The following TGFA variants were observed in gnomAD, a reference collection of about 807,000 sequenced individuals.
The protein encoded by TGFA is protransforming growth factor alpha.
TGFA carries 12 observed loss-of-function variants against 21.7 expected under a neutral mutation model. The ratio of observed to expected loss-of-function variants is 0.55; its 90% confidence interval spans 0.35 to 0.90. TGFA has a LOEUF of 0.90. Ranked by LOEUF, TGFA falls within the 40% of genes least tolerant of loss-of-function variation. TGFA has a pLI of 0.01. For synonymous variants in TGFA, 79 were observed against 88.1 expected (o/e 0.90, Z 0.58); for missense variants, 178 against 210.8 (o/e 0.84, Z 0.96).
chr2:70,471,902 G>A (rs1426863732), intron 2 of TGFA, among the ~76,000 whole-genome samples: 4 of 152,096 alleles, frequency 2.6e-5, no homozygotes, highest in African/African-American at 9.7e-5. Flanking sequence ...ATAAAAATGA[G>A]CATTACAAGG....
chr2:70,469,896 T>G (rs1390190105), intron 2 of TGFA, among the ~76,000 whole-genome samples: 2 of 152,162 alleles, frequency 1.3e-5, no homozygotes, highest in Non-Finnish European at 2.9e-5. Flanking sequence ...TAAAACTGAT[T>G]GGTGAAGGGT....
At chr2:70,506,090 G>A (rs1488515043) in intron 2 of TGFA, among the ~76,000 whole-genome samples, 1 of 152,194 alleles carries the variant, frequency 6.6e-6, no homozygotes, top group African/African-American at 2.4e-5. Context: ...AAACAGAGCT[G>A]ATGTTTCACC....
In TGFA at chr2:70,448,203, T is replaced by C. The variant is rs1669945053; in HGVS notation, c.*2656A>G. ...AGATCAGGGTTGGCTGCTGTCTATC[T>C]TTCCATGTAGAAGAAAACATTTCCT... is the stretch of plus-strand genomic sequence containing the variant. On this transcript the variant is annotated 3_prime_UTR_variant, in exon 6 of 6. Transcript: ENST00000295400. The C allele has an allele frequency of 6.6e-6, 1 of 152,206 alleles. No homozygotes were observed. Among genetic ancestry groups the C allele is most frequent in the South Asian group, 2.1e-4 (1 of 4,824 alleles). The allele number at this position is 152,206 out of a possible 1,614,324, so 9.4% of individuals were successfully genotyped here. A position where few individuals can be genotyped will look rare whatever the true frequency, so the allele number is the denominator to read the frequency against.
intron 1 of TGFA, among the ~76,000 whole-genome samples, chr2:70,548,115 A>T (rs1400232979): frequency 6.6e-6 from 1 of 152,224 alleles, no homozygotes; most frequent in Non-Finnish European, 1.5e-5. Context: ...TAGTGATGCA[A>T]GACTTTATAT....
At chr2:70,518,472 C>T (rs1405745627) in intron 1 of TGFA, among the ~76,000 whole-genome samples, 1 of 152,278 alleles carries the variant, frequency 6.6e-6, no homozygotes, top group Non-Finnish European at 1.5e-5. Flanking sequence ...ATGTTCCCAA[C>T]AGAAACAAGG....
chr2:70,553,386 C>T (rs1356098444), intron 1 of TGFA: 1 of 1,454,172 alleles, frequency 6.9e-7, no homozygotes, highest in Admixed American at 2.8e-5. Flanking sequence ...GGCTTGGAGG[C>T]AGCCAGGTAA....
chr2:70,486,383 T>C (rs1485756216), intron 2 of TGFA, among the ~76,000 whole-genome samples: 1 of 152,208 alleles, frequency 6.6e-6, no homozygotes, highest in Non-Finnish European at 1.5e-5. Flanking sequence ...ACCAAAGCTG[T>C]CTCTCAAAAA....
Position 70,525,379 on chromosome 2 carries a change from C to CTG in TGFA, c.41-10469_41-10468dup, listed in dbSNP as rs149975597. Among the ~76,000 whole-genome samples the CTG allele has an allele frequency of 1.1e-3, 161 of 152,316 alleles. 5 individuals are homozygous for CTG. The East Asian group carries it at 0.029, about 28-fold the overall frequency. On this transcript the variant is annotated intron_variant, in intron 1 of 5. Transcript: ENST00000295400. ...AATGCTGCCCCATTGCTAATCCCCA[C>CTG]TGTCCACCTTGGGGGCTGGCCACAG...
chr2:70,482,375 C>A (rs1671151622), intron 2 of TGFA, among the ~76,000 whole-genome samples: 1 of 152,156 alleles, frequency 6.6e-6, no homozygotes, highest in African/African-American at 2.4e-5. Context: ...GAAGGGAAAT[C>A]CAAAAACAGG....
At chr2:70,479,629 G>A (rs782348238) in intron 2 of TGFA, among the ~76,000 whole-genome samples, 5 of 151,620 alleles carry the variant, frequency 3.3e-5, no homozygotes, top group Admixed American at 6.6e-5. Context: ...GGATCACCGG[G>A]TCCTTTTTTC....
chr2:70,520,821 C>T (rs1672426825), intron 1 of TGFA, among the ~76,000 whole-genome samples: 1 of 152,118 alleles, frequency 6.6e-6, no homozygotes, highest in Non-Finnish European at 1.5e-5. Context: ...CCACCACTCT[C>T]CACAAGGCCT....
At chr2:70,530,199 C>A (rs1339026613) in intron 1 of TGFA, among the ~76,000 whole-genome samples, 2 of 152,228 alleles carry the variant, frequency 1.3e-5, no homozygotes, top group Non-Finnish European at 2.9e-5. Flanking sequence ...CATTAGCAGG[C>A]TCAACTCCTG....
intron 1 of TGFA, among the ~76,000 whole-genome samples, chr2:70,543,216 T>A (rs1673186477): frequency 6.6e-6 from 1 of 152,094 alleles, no homozygotes; most frequent in South Asian, 2.1e-4. Context: ...ATACTTACTT[T>A]ATTTCACATT....
At chr2:70,512,279 A>C (rs1672127037) in intron 2 of TGFA, among the ~76,000 whole-genome samples, 1 of 152,064 alleles carries the variant, frequency 6.6e-6, no homozygotes, top group African/African-American at 2.4e-5. Context: ...AATTTCATTA[A>C]ATCTCTAAGG....
At position 70,448,020 on chromosome 2, in the gene TGFA, C is replaced by CCTTACCAGTGTGG. The variant is rs1464447015; in HGVS notation, c.*2826_*2838dup. 2.0e-5 allele frequency: 3 copies of CCTTACCAGTGTGG among 152,244 alleles called. No individual in the cohort carries two copies. The highest frequency in any genetic ancestry group is 4.8e-5 in the African/African-American group (2 of 41,452). The allele number at this position is 152,244 out of a possible 1,614,324, so 9.4% of individuals were successfully genotyped here. On this transcript the variant is annotated 3_prime_UTR_variant, in exon 6 of 6. Transcript: ENST00000295400. The stretch of plus-strand genomic sequence containing the variant: ...AGCTCCAGAAGCACAAATTCTCCTC[C>CCTTACCAGTGTGG]CTTACCAGTGTGGGTGGGTGAGTGG...
At chr2:70,512,348 C>T (rs1235939047) in intron 2 of TGFA, among the ~76,000 whole-genome samples, 1 of 152,120 alleles carries the variant, frequency 6.6e-6, no homozygotes, top group African/African-American at 2.4e-5. Flanking sequence ...ACAGAGAGGG[C>T]AGACGGGCAG....
chr2:70,551,503 T>C (rs777489400), intron 1 of TGFA, among the ~76,000 whole-genome samples: 90 of 152,342 alleles, frequency 5.9e-4, no homozygotes, highest in Non-Finnish European at 1.2e-3. Flanking sequence ...CGGGTAGCGA[T>C]GGAACACTGG....
At position 70,529,644 on chromosome 2, in the gene TGFA, C is replaced by T. The variant is rs184004708; in HGVS notation, c.41-14732G>A. Among the ~76,000 whole-genome samples, 337 of 150,656 alleles carry T rather than the reference C, an allele frequency of 2.2e-3. 3 individuals are homozygous for T. Among genetic ancestry groups the T allele is most frequent in the African/African-American group, 7.7e-3 (320 of 41,352 alleles). ...TGGCTGCTGTGGCTGGGGGAGGGCACACCGGGAAATGAGGCTGGAGAGATG... is the reference window on the plus strand; with the variant it reads ...TGGCTGCTGTGGCTGGGGGAGGGCATACCGGGAAATGAGGCTGGAGAGATG... On this transcript the variant is annotated intron_variant, in intron 1 of 5. Coordinates refer to ENST00000295400, the MANE Select transcript of TGFA (RefSeq NM_003236.4).
chr2:70,515,018 CA>C, intron 1 of TGFA, 106 bp from the exon 2 acceptor site: 1 of 1,002,380 alleles, frequency 1.0e-6, no homozygotes, highest in East Asian at 2.6e-5. Flanking sequence ...TCGGTAGTTT[CA>C]CAGAGTGGCC....
Sources: gnomAD v4.1 joint callset for allele counts (sites outside exome capture counted in the v4.1 genomes callset) on GRCh38, gnomAD v4.1.1 for gene constraint, MANE v1.5 for transcripts, NCBI Gene and HGNC (gene_info 2026-07-23, HGNC 2026-07-21) for gene names.